Variants in COL9A3 observed in about 807,000 individuals in gnomAD.
The protein encoded by COL9A3 is collagen type IX alpha 3 chain, also known as collagen alpha-3(IX) chain.
COL9A3 carries 82 observed loss-of-function variants against 110.2 expected under a neutral mutation model. The ratio of observed to expected loss-of-function variants is 0.74; its 90% confidence interval spans 0.62 to 0.89. The LOEUF is 0.89. Among genes scored for constraint, COL9A3 ranks in the 40% least tolerant of loss-of-function variants. The pLI is 0.00. For synonymous variants in COL9A3, 494 were observed against 403.8 expected, an observed-to-expected ratio of 1.22 and a Z score of -2.68; for missense variants, 1,066 against 981.3, an observed-to-expected ratio of 1.09 and a Z score of -1.15.
chr20:62,837,047 T>C (rs2147229288), intron 29 of COL9A3, 36 bp from the exon 30 acceptor site: 4 of 1,609,122 alleles, frequency 2.5e-6, no homozygotes, highest in Non-Finnish European at 2.5e-6. Context: ...GATGATCCTC[T>C]CTCGAGTAAA....
intron 14 of COL9A3, 152 bp from the exon 15 acceptor site, chr20:62,826,615 A>G: frequency 3.7e-6 from 3 of 801,292 alleles, no homozygotes; most frequent in Non-Finnish European, 6.2e-6. Context: ...GGAAGCAGGG[A>G]TTTGGAGACT....
chr20:62,820,328 C>T (rs1203157454), intron 5 of COL9A3, among the ~76,000 whole-genome samples: 1 of 151,880 alleles, frequency 6.6e-6, no homozygotes, highest in African/African-American at 2.4e-5. Context: ...GGCACGCAGC[C>T]TGCAGAGTCC....
intron 25 of COL9A3, 72 bp from the exon 26 acceptor site, chr20:62,832,948 A>G (rs1298905112): frequency 1.3e-5 from 18 of 1,362,562 alleles, no homozygotes; most frequent in Non-Finnish European, 1.8e-5. Context: ...GCTTGAGAGC[A>G]GGGACTTTAA....
At chr20:62,820,488 G>A (rs748562576) in intron 5 of COL9A3, among the ~76,000 whole-genome samples, 3 of 152,208 alleles carry the variant, frequency 2.0e-5, no homozygotes, top group Admixed American at 6.5e-5. Flanking sequence ...TCAGCCAACC[G>A]GGTGCCACTG....
intron 10 of COL9A3, 75 bp downstream of exon 10, chr20:62,822,707 G>A (rs573767290): frequency 6.6e-7 from 1 of 1,512,148 alleles, no homozygotes; most frequent in South Asian, 1.1e-5. Context: ...GCCTGGAGAG[G>A]GGCTTGTCCA....
chr20:62,840,870 G>A lies in COL9A3; in HGVS notation c.*138G>A, dbSNP rs1028286805. ...CCCCTCGGCCGCCGACTGGACGCGC[G>A]GGCCTTGCCAGCGAGCACCCTCATC... On this transcript the variant is annotated 3_prime_UTR_variant, in exon 32 of 32. Coordinates refer to ENST00000649368, the MANE Select transcript of COL9A3 (RefSeq NM_001853.4). 77 of 966,782 alleles carry A rather than the reference G, an allele frequency of 8.0e-5. 1 individual carries two copies. Among genetic ancestry groups the A allele is most frequent in the East Asian group, 7.1e-4 (27 of 38,014 alleles). 59.9% of individuals were successfully genotyped at this position (966,782 alleles called of 1,614,324 possible).
chr20:62,821,698 G>A (rs2063514165), intron 7 of COL9A3, 59 bp from the exon 8 acceptor site: 1 of 1,563,118 alleles, frequency 6.4e-7, no homozygotes, highest in Admixed American at 1.7e-5. Flanking sequence ...CCAACCCTGG[G>A]TGGGGATCCT....
intron 31 of COL9A3, among the ~76,000 whole-genome samples, 174 bp from the exon 32 acceptor site, chr20:62,840,368 C>T (rs545896342): frequency 6.9e-6 from 1 of 145,128 alleles, no homozygotes; most frequent in East Asian, 2.0e-4. Context: ...TCCCGACCGC[C>T]AGCCCCGCGG....
Position 62,821,235 on chromosome 20 carries a change from C to T in COL9A3, c.345+19C>T, listed in dbSNP as rs1001830401. On this transcript the variant is annotated intron_variant, in intron 6 of 31. Transcript: ENST00000649368. Reference sequence around the variant, plus strand: ...GCTGGGGGTGAGTATGGAGTGTGGTCCTCTCCTCTCCATGGGAGTTTGGGG... The same window carrying T: ...GCTGGGGGTGAGTATGGAGTGTGGTTCTCTCCTCTCCATGGGAGTTTGGGG... 6.2e-7 allele frequency: 1 copy of T among 1,611,528 alleles called. No individual in the cohort carries two copies. The highest frequency in any genetic ancestry group is 8.5e-7 in the Non-Finnish European group (1 of 1,178,416).
intron 7 of COL9A3, 72 bp downstream of exon 7, chr20:62,821,602 C>T: frequency 6.2e-7 from 1 of 1,604,146 alleles, no homozygotes; most frequent in Non-Finnish European, 8.5e-7. Context: ...TGGGATGTCC[C>T]AAACCGTGCC....
intron 29 of COL9A3, 112 bp from the exon 30 acceptor site, chr20:62,836,971 A>G (rs1418838059): frequency 2.2e-6 from 3 of 1,369,256 alleles, no homozygotes; most frequent in Admixed American, 3.4e-5. Flanking sequence ...CATCAATCAG[A>G]AGGAAAACTT....
At chr20:62,832,727 T>G in intron 25 of COL9A3, 4 of 357,694 alleles carry the variant, frequency 1.1e-5, no homozygotes, top group Non-Finnish European at 1.8e-5. Context: ...CACAAGGCCT[T>G]TCCATACCGC....
chr20:62,830,416 G>T lies in COL9A3; in HGVS notation c.1215+3G>T. On this transcript the variant is annotated splice_donor_region_variant and intron_variant, in intron 23 of 31. Transcript: ENST00000649368. ...CCCCTGGTGTCCGAGGCTTCCAGGTGGGTGAGGTTGGGGCAAGGGCCTGGC... is the reference window on the plus strand; with the variant it reads ...CCCCTGGTGTCCGAGGCTTCCAGGTTGGTGAGGTTGGGGCAAGGGCCTGGC... 1 of 1,567,356 alleles carries T rather than the reference G, an allele frequency of 6.4e-7. No individual in the cohort carries two copies. Among genetic ancestry groups the T allele is most frequent in the East Asian group, 2.4e-5 (1 of 42,496 alleles).
Position 62,828,781 on chromosome 20 carries a change from C to T in COL9A3, c.918C>T (p.Asp306=), listed in dbSNP as rs2063573278. 2.5e-6 allele frequency: 4 copies of T among 1,612,776 alleles called. No homozygotes were observed. The highest frequency in any genetic ancestry group is 3.4e-6 in the Non-Finnish European group (4 of 1,179,906). ...GTCCCCAGGGCATGCCGGGCAAGGA[C>T]GGCCAGAATGGCGTGCCAGGACTCG... ...PSGEPGMPGK[D]GQNGVPGLDG... is the part of the protein sequence containing the mutation. The change falls in exon 18 of 32, where the codon GAC becomes GAT. Residue 306 remains aspartate, a synonymous_variant. Coordinates refer to ENST00000649368, the MANE Select transcript of COL9A3 (RefSeq NM_001853.4).
At chr20:62,818,753 G>A (rs1049671954) in intron 3 of COL9A3, among the ~76,000 whole-genome samples, 200 bp downstream of exon 3, 1 of 152,234 alleles carries the variant, frequency 6.6e-6, no homozygotes. Context: ...CATGTTCAGG[G>A]CAGGGCCTGG....
At chr20:62,836,696 T>A (rs1054836995) in intron 29 of COL9A3, 164 bp downstream of exon 29, 16 of 763,758 alleles carry the variant, frequency 2.1e-5, no homozygotes, top group Non-Finnish European at 3.1e-5. Flanking sequence ...CGCCTTGGCG[T>A]CTGCCTGTCC....
chr20:62,822,064 C>T (rs1418799005), intron 8 of COL9A3, 47 bp from the exon 9 acceptor site: 4 of 1,157,612 alleles, frequency 3.5e-6, no homozygotes, highest in South Asian at 1.2e-5. Context: ...GCACCTCACT[C>T]AGGTGGGGGC....
At chr20:62,840,204 C>T (rs1169950562) in intron 31 of COL9A3, among the ~76,000 whole-genome samples, 1 of 152,030 alleles carries the variant, frequency 6.6e-6, no homozygotes, top group African/African-American at 2.4e-5. Context: ...CCAAAGCCAC[C>T]CCACAACCCC....
At chr20:62,831,646 G>A in intron 24 of COL9A3, 1 of 182,984 alleles carries the variant, frequency 5.5e-6, no homozygotes, top group Non-Finnish European at 1.2e-5. Flanking sequence ...CCAGGTGTGG[G>A]TGGGGCCTGG....
Sources: allele counts gnomAD v4.1 joint callset (sites outside exome capture counted in the v4.1 genomes callset), GRCh38; gene constraint gnomAD v4.1.1; transcripts MANE v1.5; gene names NCBI Gene and HGNC (gene_info 2026-07-23, HGNC 2026-07-21).